LARP1: variants seen among roughly 807,000 people sequenced by gnomAD.
LARP1 encodes la-related protein 1.
LARP1 carries 36 observed loss-of-function variants against 122.7 expected under a neutral mutation model. The observed-to-expected ratio is 0.29, with a 90% CI of 0.22 to 0.39. The LOEUF (loss-of-function observed/expected upper bound fraction) is 0.39, where lower values mean the gene tolerates loss of function less well. LARP1 is among the 10% of genes least tolerant of loss of function. The pLI is 1.00. For missense variants in LARP1, 1,040 were observed against 1,403.6 expected (o/e 0.74, Z 4.14); for synonymous variants, 539 against 528.7 (o/e 1.02, Z -0.27).
chr5:154,795,823 T>TTA (rs371297123), intron 8 of LARP1, among the ~76,000 whole-genome samples: 2 of 134,346 alleles, frequency 1.5e-5, no homozygotes, highest in Non-Finnish European at 3.1e-5. Flanking sequence ...ATATATATAT[T>TTA]TATATATATA....
In LARP1 at chr5:154,715,766, G is replaced by A. The variant is rs143765119; in HGVS notation, c.205+2636G>A. Among the ~76,000 whole-genome samples the A allele has an allele frequency of 1.3e-4, 20 of 152,236 alleles. No individual in the cohort carries two copies. The East Asian group carries it at 3.7e-3, about 28-fold the overall frequency. ...AATAGATTTGAAGTGAATGGACTAG[G>A]GAGCAGAAGGGATTGGGAATTCCTC... On this transcript the variant is annotated intron_variant, in intron 1 of 18. Coordinates refer to the LARP1 transcript ENST00000336314.
At chr5:154,698,987 T>TG (rs1171936161) in intron 1 of LARP1, among the ~76,000 whole-genome samples, 1 of 152,140 alleles carries the variant, frequency 6.6e-6, no homozygotes, top group Non-Finnish European at 1.5e-5. Flanking sequence ...AAGAGAGAAA[T>TG]GCACAGACTA....
At chr5:154,789,812 C>A (rs954383326) in intron 1 of LARP1, among the ~76,000 whole-genome samples, 2 of 152,188 alleles carry the variant, frequency 1.3e-5, no homozygotes, top group African/African-American at 4.8e-5. Flanking sequence ...GTTTCCTGAG[C>A]AGCTGGCCCT....
intron 1 of LARP1, among the ~76,000 whole-genome samples, chr5:154,731,180 G>A (rs570298827): frequency 6.6e-6 from 1 of 151,734 alleles, no homozygotes; most frequent in East Asian, 1.9e-4. Context: ...AATCATAACC[G>A]TGTGAAAGGA....
In LARP1 at chr5:154,802,031, C is replaced by T; in HGVS notation, c.1741C>T (p.His581Tyr). 3 of 1,613,298 alleles carry T rather than the reference C, an allele frequency of 1.9e-6. No individual in the cohort carries two copies. The change falls in exon 11 of 19, where the codon CAC becomes TAC. Residue 581 changes from histidine to tyrosine, a missense_variant. This residue lies in a region of LARP1 where 362 missense variants were observed against 533.1 expected (regional missense o/e 0.68). Coordinates refer to ENST00000518297, the MANE Select transcript of LARP1 (RefSeq NM_033551.3). The surrounding 1 kb of genome is among the most constrained non-coding windows in gnomAD (Gnocchi z 5.1). ...GAAGTCAGAGGAGTCCAGATTTTCC[C>T]ACCTGACCTCTCTGCCTCAGCAGCT... is the stretch of plus-strand genomic sequence containing the variant. Reference protein sequence around the residue: ...PKKSEESRFSHLTSLPQQLPS... With the variant: ...PKKSEESRFSYLTSLPQQLPS...
chr5:154,740,907 G>A, intron 1 of LARP1, among the ~76,000 whole-genome samples: 1 of 152,202 alleles, frequency 6.6e-6, no homozygotes, highest in East Asian at 1.9e-4. Flanking sequence ...AGCCTTTCAG[G>A]TCAGGACAGT....
intron 1 of LARP1, among the ~76,000 whole-genome samples, chr5:154,685,199 G>A (rs1455733430): frequency 2.0e-5 from 3 of 151,116 alleles, no homozygotes; most frequent in Admixed American, 6.6e-5. Flanking sequence ...AGCTGAGATC[G>A]CGCCACTGCA....
chr5:154,724,000 A>G (rs1232510230), intron 1 of LARP1, among the ~76,000 whole-genome samples: 1 of 152,190 alleles, frequency 6.6e-6, no homozygotes. Flanking sequence ...CCCTGCCTTC[A>G]TGGGTATAAG....
chr5:154,720,238 TG>T (rs1329886903), intron 1 of LARP1, among the ~76,000 whole-genome samples: 1 of 151,976 alleles, frequency 6.6e-6, no homozygotes, highest in East Asian at 1.9e-4. Flanking sequence ...TAACCATAGA[TG>T]GTATTTTTGA....
chr5:154,791,558 T>C (rs1015195297), intron 3 of LARP1, among the ~76,000 whole-genome samples: 2 of 152,184 alleles, frequency 1.3e-5, no homozygotes, highest in Non-Finnish European at 2.9e-5. Flanking sequence ...CTGAGCAACA[T>C]TGAAATAGCT....
intron 6 of LARP1, 41 bp from the exon 7 acceptor site, chr5:154,794,059 C>T: frequency 6.2e-7 from 1 of 1,611,526 alleles, no homozygotes. Context: ...GGGTGGTGGG[C>T]AGGAATCTCC....
chr5:154,795,943 T>TA (rs1757741632), intron 8 of LARP1, among the ~76,000 whole-genome samples: 1 of 115,960 alleles, frequency 8.6e-6, no homozygotes, highest in Non-Finnish European at 1.7e-5. Context: ...TATTATATAT[T>TA]TATATATTAT....
chr5:154,810,086 G>C (rs569663129), intron 16 of LARP1, among the ~76,000 whole-genome samples: 26 of 152,120 alleles, frequency 1.7e-4, no homozygotes, highest in African/African-American at 6.3e-4. Context: ...TCTATTCGTT[G>C]ACATTTGTAT....
intron 1 of LARP1, among the ~76,000 whole-genome samples, chr5:154,760,340 T>C (rs988885107): frequency 1.3e-5 from 2 of 152,202 alleles, no homozygotes; most frequent in African/African-American, 4.8e-5. Context: ...AAAATCAGGG[T>C]ATTAGACTAG....
chr5:154,721,212 T>C (rs1318551405), intron 1 of LARP1, among the ~76,000 whole-genome samples: 1 of 152,016 alleles, frequency 6.6e-6, no homozygotes, highest in African/African-American at 2.4e-5. Flanking sequence ...CCCGGCATGG[T>C]GGTGCACGTC....
chr5:154,787,609 A>C (rs1756992380), intron 1 of LARP1, among the ~76,000 whole-genome samples: 1 of 152,212 alleles, frequency 6.6e-6, no homozygotes, highest in African/African-American at 2.4e-5. Flanking sequence ...TAGATTTTAA[A>C]GGCAGAAGTG....
chr5:154,745,413 T>A (rs532812916), intron 1 of LARP1, among the ~76,000 whole-genome samples: 28 of 152,352 alleles, frequency 1.8e-4, no homozygotes, highest in African/African-American at 6.7e-4. Flanking sequence ...CTACCCCCTT[T>A]ATGATAATAG....
At chr5:154,692,133 TG>T (rs1754249851) in intron 1 of LARP1, among the ~76,000 whole-genome samples, 2 of 152,206 alleles carry the variant, frequency 1.3e-5, no homozygotes, top group Non-Finnish European at 2.9e-5. Flanking sequence ...GGCTCCCTAG[TG>T]CCCTGGAATA....
intron 1 of LARP1, among the ~76,000 whole-genome samples, chr5:154,771,066 C>T (rs1049135361): frequency 2.0e-5 from 3 of 150,672 alleles, no homozygotes; most frequent in Admixed American, 6.6e-5. Context: ...GAGCCAAGAT[C>T]GCGCCACTGC....
Sources: allele counts gnomAD v4.1 joint callset (sites outside exome capture counted in the v4.1 genomes callset), GRCh38; gene constraint gnomAD v4.1.1; regional missense constraint gnomAD v4.1.1; non-coding constraint Gnocchi (gnomAD v3.1); transcripts MANE v1.5; gene names NCBI Gene and HGNC (gene_info 2026-07-23, HGNC 2026-07-21).